PHC2: variants seen among roughly 807,000 people sequenced by gnomAD.
PHC2 encodes the protein polyhomeotic-like protein 2.
PHC2 carries 29 observed loss-of-function variants against 87.4 expected under a neutral mutation model. The observed-to-expected ratio is 0.33, with a 90% CI of 0.25 to 0.45. The LOEUF is 0.45. Among genes scored for constraint, PHC2 ranks in the 20% least tolerant of loss-of-function variants. The pLI is 1.00. For synonymous variants in PHC2, 438 were observed against 461.7 expected (o/e 0.95, Z 0.66); for missense variants, 857 against 1,136.7 (o/e 0.75, Z 3.54).
chr1:33,331,507 G>T lies in PHC2; in HGVS notation c.1892-45C>A. ...GTAGGGTGGAGAATGAGAAATTCCT[G>T]CAGGACTGTGGCCAGCCCCACCACG... On this transcript the variant is annotated intron_variant, in intron 11 of 14. Transcript: ENST00000683057. This position sits in a 1 kb window ranked among gnomAD's most constrained non-coding sequence, Gnocchi z 5.2. The T allele has an allele frequency of 1.7e-6, 2 of 1,193,648 alleles. No homozygotes were observed. Among genetic ancestry groups the T allele is most frequent in the Non-Finnish European group, 2.5e-6 (2 of 802,822 alleles). The allele number at this position is 1,193,648 out of a possible 1,614,324, so 73.9% of individuals were successfully genotyped here.
intron 1 of PHC2, among the ~76,000 whole-genome samples, chr1:33,418,493 T>A (rs1224584826): frequency 6.6e-6 from 1 of 152,044 alleles, no homozygotes; most frequent in Non-Finnish European, 1.5e-5. Context: ...ACAACTTAGG[T>A]GAAATGGACA....
intron 1 of PHC2, among the ~76,000 whole-genome samples, chr1:33,415,655 T>A (rs1161868664): frequency 6.6e-6 from 1 of 152,184 alleles, no homozygotes; most frequent in Non-Finnish European, 1.5e-5. Context: ...GATCAGACTT[T>A]TAGCCAGAAG....
chr1:33,330,317 T>C, intron 12 of PHC2, 105 bp from the exon 13 acceptor site: 1 of 1,220,474 alleles, frequency 8.2e-7, no homozygotes, highest in Non-Finnish European at 1.2e-6. Context: ...AGTCCATCTA[T>C]TGGTTCAGAT....
chr1:33,339,679 G>A (rs746500442), intron 9 of PHC2, among the ~76,000 whole-genome samples: 7 of 152,230 alleles, frequency 4.6e-5, no homozygotes, highest in Non-Finnish European at 1.0e-4. Context: ...GCTGGTGCCA[G>A]TTATGCACAA....
chr1:33,426,316 C>CT lies in PHC2; in HGVS notation c.-55+4659dup, dbSNP rs1557851054. Among the ~76,000 whole-genome samples, 3 of 131,580 alleles carry CT rather than the reference C, an allele frequency of 2.3e-5. No individual in the cohort carries two copies. In the East Asian group the frequency reaches 8.0e-4, roughly 35 times the overall value. The allele number at this position is 131,580 out of a possible 152,430, so 86.3% of individuals were successfully genotyped here. On this transcript the variant is annotated intron_variant, in intron 1 of 14. Coordinates refer to ENST00000683057, the MANE Select transcript of PHC2 (RefSeq NM_001385109.1). The stretch of plus-strand genomic sequence containing the variant: ...TGGCAACCAGTGGGGTTCAAAGCTG[C>CT]TGGGGGGGGGTCCATGGTTTGAGGG...
intron 1 of PHC2, among the ~76,000 whole-genome samples, chr1:33,381,949 C>T (rs2148348230): frequency 6.6e-6 from 1 of 151,952 alleles, no homozygotes; most frequent in South Asian, 2.1e-4. Flanking sequence ...TGATATGGCT[C>T]CCCTGATTCT....
intron 9 of PHC2, chr1:33,336,511 T>C (rs965352382): frequency 6.6e-6 from 1 of 152,250 alleles, no homozygotes; most frequent in Non-Finnish European, 1.5e-5. Context: ...AAAGTTTCCA[T>C]TAAGTGCCTA....
At chr1:33,344,938 A>C (rs1322890372) in intron 9 of PHC2, among the ~76,000 whole-genome samples, 2 of 151,838 alleles carry the variant, frequency 1.3e-5, no homozygotes, top group Non-Finnish European at 2.9e-5. Flanking sequence ...GTTTTGTTTT[A>C]ATTTAAAGTG....
At chr1:33,351,971 AAG>A (rs1553185197) in intron 9 of PHC2, among the ~76,000 whole-genome samples, 3 of 149,770 alleles carry the variant, frequency 2.0e-5, no homozygotes, top group Admixed American at 6.6e-5. Flanking sequence ...AAAAAAAAAA[AAG>A]ACATACACAG....
Position 33,331,617 on chromosome 1 carries a change from G to GTTC in PHC2, c.1892-158_1892-156dup. ...CATTCTAGCATGGAAAATGCCAGTG[G>GTTC]TTCTCACCCCTGGAATGCACTCAAG... is the stretch of plus-strand genomic sequence containing the variant. On this transcript the variant is annotated intron_variant, in intron 11 of 14. Transcript: ENST00000683057. The surrounding 1 kb of genome is among the most constrained non-coding windows in gnomAD (Gnocchi z 5.2). 1.7e-6 allele frequency: 1 copy of GTTC among 577,200 alleles called. No individual in the cohort carries two copies. The highest frequency in any genetic ancestry group is 3.0e-5 in the Admixed American group (1 of 33,180). 35.8% of individuals were successfully genotyped at this position (577,200 alleles called of 1,614,324 possible). A position where few individuals can be genotyped will look rare whatever the true frequency, so the allele number is the denominator to read the frequency against.
intron 9 of PHC2, among the ~76,000 whole-genome samples, chr1:33,342,565 TC>T (rs1297755169): frequency 7.3e-6 from 1 of 137,270 alleles, no homozygotes; most frequent in Non-Finnish European, 1.6e-5. Flanking sequence ...GTGGGGGATT[TC>T]CAAACAGCTG....
chr1:33,354,323 G>T, intron 9 of PHC2, 78 bp downstream of exon 9: 1 of 1,353,790 alleles, frequency 7.4e-7, no homozygotes, highest in Non-Finnish European at 1.0e-6. Context: ...CATTCCAGAT[G>T]CCCAAGTGAA....
chr1:33,411,762 T>C (rs556156735), intron 1 of PHC2, among the ~76,000 whole-genome samples: 1 of 152,276 alleles, frequency 6.6e-6, no homozygotes, highest in African/African-American at 2.4e-5. Context: ...GGTTTCACCA[T>C]GTTGGCCAGG....
Position 33,369,123 on chromosome 1 carries a change from T to A in PHC2, c.577-501A>T, listed in dbSNP as rs1647665916. Among the ~76,000 whole-genome samples the A allele has an allele frequency of 6.6e-6, 1 of 152,126 alleles. No homozygotes were observed. Among genetic ancestry groups the A allele is most frequent in the Non-Finnish European group, 1.5e-5 (1 of 68,004 alleles). ...GATCAAGTTCGATGTATCCTTTTGG[T>A]CATTTTCTAGTCAAAGTTAGATTCA... On this transcript the variant is annotated intron_variant, in intron 5 of 14. Coordinates refer to ENST00000683057, the MANE Select transcript of PHC2 (RefSeq NM_001385109.1). This position sits in a 1 kb window ranked among gnomAD's most constrained non-coding sequence, Gnocchi z 4.7.
chr1:33,328,963 G>A lies in PHC2; in HGVS notation c.2332C>T (p.Arg778Trp), dbSNP rs199838218. 8.7e-6 allele frequency: 14 copies of A among 1,614,040 alleles called. No individual in the cohort carries two copies. The highest frequency in any genetic ancestry group is 2.2e-5 in the East Asian group (1 of 44,896). Residue 778 changes from arginine to tryptophan, a missense_variant, in exon 14 of 15, where the codon CGG becomes TGG. This residue lies in a region of PHC2 where 832 missense variants were observed against 1,081.8 expected (regional missense o/e 0.77). Transcript: ENST00000683057. ...RDLELPDMHM[R>W]DLVGMGHHFL... ...TGGTGTCCCATGCCCACCAGGTCCCGCATATGCATGTCGGGGAGCTCCAGG... is the reference window on the plus strand; with the variant it reads ...TGGTGTCCCATGCCCACCAGGTCCCACATATGCATGTCGGGGAGCTCCAGG...
chr1:33,367,213 T>C lies in PHC2; in HGVS notation c.879A>G (p.Lys293=). The C allele has an allele frequency of 1.2e-6, 2 of 1,614,218 alleles. No homozygotes were observed. The highest frequency in any genetic ancestry group is 1.7e-6 in the Non-Finnish European group (2 of 1,180,038). The change falls in exon 7 of 15, where the codon AAA becomes AAG. Residue 293 remains lysine (K), a synonymous_variant. Transcript: ENST00000683057. ...IADSVMEPHK[K]GDGNSSVPGS... is the part of the protein sequence containing the mutation. ...CTGGCACACTGCTGTTGCCATCTCCTTTCTTGTGTGGCTCCATCACACTGT... is the reference window on the plus strand; with the variant it reads ...CTGGCACACTGCTGTTGCCATCTCCCTTCTTGTGTGGCTCCATCACACTGT...
chr1:33,334,392 C>T lies in PHC2; in HGVS notation c.1559-100G>A, dbSNP rs995609963. ...GACTCAAACTGCGCCCGGCTTTTACCGTGGGGCCAAGCGACAATGCAAACC... is the reference window on the plus strand; with the variant it reads ...GACTCAAACTGCGCCCGGCTTTTACTGTGGGGCCAAGCGACAATGCAAACC... On this transcript the variant is annotated intron_variant, in intron 9 of 14. Coordinates refer to ENST00000683057, the MANE Select transcript of PHC2 (RefSeq NM_001385109.1). This position sits in a 1 kb window ranked among gnomAD's most constrained non-coding sequence, Gnocchi z 5.5. The T allele has an allele frequency of 4.7e-6, 5 of 1,062,926 alleles. No homozygotes were observed. The highest frequency in any genetic ancestry group is 7.0e-6 in the Non-Finnish European group (5 of 718,246). The allele number at this position is 1,062,926 out of a possible 1,614,324, so 65.8% of individuals were successfully genotyped here. A position where few individuals can be genotyped will look rare whatever the true frequency, so the allele number is the denominator to read the frequency against.
Position 33,369,410 on chromosome 1 carries a change from C to A in PHC2, c.577-788G>T, listed in dbSNP as rs1235625080. On this transcript the variant is annotated intron_variant, in intron 5 of 14. Coordinates refer to ENST00000683057, the MANE Select transcript of PHC2 (RefSeq NM_001385109.1). This position sits in a 1 kb window ranked among gnomAD's most constrained non-coding sequence, Gnocchi z 4.7. ...GGGAGGGAGGCAGACAGGCAGGCAT[C>A]ACGACCCCAGTGGAGTAGGACATAG... 1.3e-5 allele frequency among the ~76,000 whole-genome samples: 2 copies of A among 152,196 alleles called. No individual in the cohort carries two copies. Among genetic ancestry groups the A allele is most frequent in the Non-Finnish European group, 2.9e-5 (2 of 68,036 alleles).
intron 9 of PHC2, among the ~76,000 whole-genome samples, chr1:33,352,644 T>G (rs1646994874): frequency 6.6e-6 from 1 of 152,222 alleles, no homozygotes; most frequent in Non-Finnish European, 1.5e-5. Context: ...AGAGCTGGCA[T>G]GACAGCAGTT....
Sources: gnomAD v4.1 joint callset for allele counts (sites outside exome capture counted in the v4.1 genomes callset) on GRCh38, gnomAD v4.1.1 for gene constraint, gnomAD v4.1.1 regional missense constraint, Gnocchi (gnomAD v3.1) non-coding constraint, MANE v1.5 for transcripts, NCBI Gene and HGNC (gene_info 2026-07-23, HGNC 2026-07-21) for gene names.